NAXD: variants seen among roughly 807,000 people sequenced by gnomAD.
The protein encoded by NAXD is NAD(P)HX dehydratase, also known as ATP-dependent (S)-NAD(P)H-hydrate dehydratase.
Under a neutral mutation model 35.8 loss-of-function variants are expected in NAXD, and 22 were observed. That is an observed-to-expected ratio of 0.62 (90% CI 0.44 to 0.88). The LOEUF is 0.88. Among genes scored for constraint, NAXD ranks in the 40% least tolerant of loss-of-function variants. The pLI, the probability that NAXD is intolerant of heterozygous loss-of-function variation, is 0.00. For missense variants in NAXD, 428 were observed against 437.7 expected (o/e 0.98, Z 0.20); for synonymous variants, 189 against 177.6 (o/e 1.06, Z -0.51).
At chr13:110,627,762 T>C (rs1315629616) in intron 5 of NAXD, among the ~76,000 whole-genome samples, 1 of 152,210 alleles carries the variant, frequency 6.6e-6, no homozygotes, top group East Asian at 1.9e-4. Context: ...TGTTTTCTCA[T>C]GGAGCAGCTG....
At chr13:110,625,132 C>T (rs1016767948) in intron 3 of NAXD, 58 bp from the exon 4 acceptor site, 8 of 1,276,102 alleles carry the variant, frequency 6.3e-6, no homozygotes, top group Admixed American at 1.7e-5. Context: ...CTGTGTCTGG[C>T]GGGTGGGCAG....
At chr13:110,623,923 A>T (rs1886359289) in intron 2 of NAXD, among the ~76,000 whole-genome samples, 1 of 150,032 alleles carries the variant, frequency 6.7e-6, no homozygotes, top group Non-Finnish European at 1.5e-5. Flanking sequence ...AATCGCTTGA[A>T]CCCAGGAGGC....
At chr13:110,624,812 A>T in intron 3 of NAXD, among the ~76,000 whole-genome samples, 1 of 152,192 alleles carries the variant, frequency 6.6e-6, no homozygotes. Context: ...ATTGTACTCC[A>T]CCAAAGTGCA....
chr13:110,622,490 C>A, intron 2 of NAXD, 124 bp downstream of exon 2: 1 of 926,042 alleles, frequency 1.1e-6, no homozygotes, highest in Non-Finnish European at 1.6e-6. Context: ...CCTGATAGGA[C>A]ACTCAGTATT....
rs7987797 is a variant in NAXD at position 110,618,949 on chromosome 13, C to G, written c.47-3267C>G. ...GGAGCAGATGCGGAGAGGACAAGCACTTGGAACACAGCATCCCTGGGAGCT... is the reference window on the plus strand; with the variant it reads ...GGAGCAGATGCGGAGAGGACAAGCAGTTGGAACACAGCATCCCTGGGAGCT... On this transcript the variant is annotated intron_variant, in intron 1 of 9. Transcript: ENST00000680254. Among the ~76,000 whole-genome samples the G allele has an allele frequency of 5.1e-3, 776 of 152,330 alleles. 8 individuals are homozygous for G. Among genetic ancestry groups the G allele is most frequent in the African/African-American group, 0.018 (737 of 41,572 alleles).
In NAXD at chr13:110,626,534, CGAG is replaced by C. The variant is rs1486630311; in HGVS notation, c.333-903_333-901del. 7.5e-5 allele frequency among the ~76,000 whole-genome samples: 8 copies of C among 107,120 alleles called. No homozygotes were observed. In the Middle Eastern group the frequency reaches 0.027, roughly 368 times the overall value. The allele number at this position is 107,120 out of a possible 152,430, so 70.3% of individuals were successfully genotyped here. On this transcript the variant is annotated intron_variant, in intron 4 of 9. Coordinates refer to ENST00000680254, the MANE Select transcript of NAXD (RefSeq NM_001242882.2). ...GTGGACGGTGCTTAAAGCTGGAAGA[CGAG>C]GGAGTAAGAGGCGGAGGGGGGCTGG...
At chr13:110,629,053 C>G (rs191513846) in intron 5 of NAXD, among the ~76,000 whole-genome samples, 29 of 152,236 alleles carry the variant, frequency 1.9e-4, no homozygotes, top group Non-Finnish European at 4.4e-5. Context: ...CTTGAGAGCC[C>G]TCAGGTCATC....
At chr13:110,631,940 T>A (rs1233541117) in intron 5 of NAXD, among the ~76,000 whole-genome samples, 1 of 152,210 alleles carries the variant, frequency 6.6e-6, no homozygotes, top group Non-Finnish European at 1.5e-5. Flanking sequence ...TTTGTCAGCT[T>A]TCAAATTTCA....
intron 5 of NAXD, among the ~76,000 whole-genome samples, chr13:110,633,353 C>T (rs979454429): frequency 3.9e-5 from 6 of 152,354 alleles, no homozygotes; most frequent in South Asian, 2.1e-4. Context: ...CACGCCCACC[C>T]GGAACTCCAG....
chr13:110,637,103 CCTG>C (rs751836366), intron 8 of NAXD, 23 bp from the exon 9 acceptor site: 2 of 1,588,708 alleles, frequency 1.3e-6, no homozygotes, highest in Non-Finnish European at 1.7e-6. Context: ...CATGCTGACA[CCTG>C]CTCTCACTTC....
At chr13:110,615,742 C>T in intron 1 of NAXD, 95 bp downstream of exon 1, 2 of 1,486,074 alleles carry the variant, frequency 1.3e-6, no homozygotes, top group Non-Finnish European at 1.8e-6. Flanking sequence ...CTCTCGGCCG[C>T]ACTCGCGCTG....
chr13:110,634,567 C>G lies in NAXD; in HGVS notation c.464C>G (p.Ala155Gly), dbSNP rs991395969. 1 of 1,614,216 alleles carries G rather than the reference C, an allele frequency of 6.2e-7. No homozygotes were observed. The highest frequency in any genetic ancestry group is 8.5e-7 in the Non-Finnish European group (1 of 1,180,024). The change falls in exon 6 of 10, where the codon GCC becomes GGC. Residue 155 changes from alanine (A) to glycine (G), a missense_variant. Around this residue, in one of 3 missense-constraint regions of NAXD, gnomAD observed 11 missense variants for 30.0 expected, o/e 0.37. Transcript: ENST00000680254. The stretch of plus-strand genomic sequence containing the variant: ...CAGGGCATTTTGGAAGTGTCAAAGG[C>G]CAGGGACATCCCTGTTGTCATCGAC... Reference protein sequence around the residue: ...NVQGILEVSKARDIPVVIDAD... With the variant: ...NVQGILEVSKGRDIPVVIDAD...
Position 110,638,163 on chromosome 13 carries a change from G to T in NAXD, c.840-215G>T, listed in dbSNP as rs992529655. 2 of 1,394,248 alleles carry T rather than the reference G, an allele frequency of 1.4e-6. No individual in the cohort carries two copies. Among genetic ancestry groups the T allele is most frequent in the Non-Finnish European group, 2.0e-6 (2 of 1,021,726 alleles). The allele number at this position is 1,394,248 out of a possible 1,614,324, so 86.4% of individuals were successfully genotyped here. ...TGGACCTGTCTCCGAGTACATAGAC[G>T]TTTCCTGTGTGCCTCCTGCCAGGGA... On this transcript the variant is annotated intron_variant, in intron 9 of 9. Coordinates refer to ENST00000680254, the MANE Select transcript of NAXD (RefSeq NM_001242882.2). The surrounding 1 kb of genome is among the most constrained non-coding windows in gnomAD (Gnocchi z 5.4).
At chr13:110,625,045 G>A (rs772566305) in intron 3 of NAXD, 145 bp from the exon 4 acceptor site, 15 of 625,548 alleles carry the variant, frequency 2.4e-5, no homozygotes, top group Non-Finnish European at 3.9e-5. Flanking sequence ...CCTTTGCTAA[G>A]CCACCTGGCT....
chr13:110,620,659 A>G (rs1042024452), intron 1 of NAXD, among the ~76,000 whole-genome samples: 2 of 152,076 alleles, frequency 1.3e-5, no homozygotes, highest in East Asian at 1.9e-4. Context: ...CATCTGCTCT[A>G]TCAGCTAAGG....
At chr13:110,626,701 T>C (rs529237349) in intron 4 of NAXD, among the ~76,000 whole-genome samples, 3 of 152,226 alleles carry the variant, frequency 2.0e-5, no homozygotes, top group African/African-American at 7.2e-5. Context: ...TCTGGGTCAG[T>C]TGGAGATGAG....
At chr13:110,626,068 G>T (rs139621941) in intron 4 of NAXD, among the ~76,000 whole-genome samples, 184 of 152,254 alleles carry the variant, frequency 1.2e-3, no homozygotes, top group African/African-American at 4.1e-3. Flanking sequence ...GATGTGTCGG[G>T]TGACCAAGAG....
intron 7 of NAXD, 66 bp from the exon 8 acceptor site, chr13:110,635,402 G>C: frequency 6.3e-7 from 1 of 1,577,080 alleles, no homozygotes; most frequent in Non-Finnish European, 8.7e-7. Context: ...GGATGGGACA[G>C]GGCTATCTGT....
intron 1 of NAXD, among the ~76,000 whole-genome samples, chr13:110,617,955 C>T (rs1886123600): frequency 6.6e-6 from 1 of 152,198 alleles, no homozygotes; most frequent in African/African-American, 2.4e-5. Flanking sequence ...GCAGTCAGTG[C>T]TGCAGCTTGC....
Sources: allele counts gnomAD v4.1 joint callset (sites outside exome capture counted in the v4.1 genomes callset), GRCh38; gene constraint gnomAD v4.1.1; regional missense constraint gnomAD v4.1.1; non-coding constraint Gnocchi (gnomAD v3.1); transcripts MANE v1.5; gene names NCBI Gene and HGNC (gene_info 2026-07-23, HGNC 2026-07-21).